Variants in PCDH15 observed in about 807,000 individuals in gnomAD.
PCDH15 encodes protocadherin related 15.
In PCDH15, 129 loss-of-function variants were observed where a neutral mutation model predicts 178.5. The ratio of observed to expected loss-of-function variants is 0.72; its 90% CI spans 0.63 to 0.84. The LOEUF is 0.84. Ranked by LOEUF, PCDH15 falls within the 40% of genes least tolerant of loss-of-function variation. The pLI is 0.00. For missense variants in PCDH15, 2,230 were observed against 2,099.9 expected (o/e 1.06, Z -1.21); for synonymous variants, 800 against 732.0 (o/e 1.09, Z -1.50).
At chr10:54,889,443 G>A (rs1315067674) in intron 3 of PCDH15, among the ~76,000 whole-genome samples, 2 of 148,730 alleles carry the variant, frequency 1.3e-5, no homozygotes, top group South Asian at 2.1e-4. Context: ...CTTCATATAA[G>A]AAAATAAAGG....
At chr10:54,677,306 G>A (rs1170214640) in intron 1 of PCDH15, among the ~76,000 whole-genome samples, 1 of 152,138 alleles carries the variant, frequency 6.6e-6, no homozygotes, top group African/African-American at 2.4e-5. Flanking sequence ...TTTGAGCCCA[G>A]GAGTTCAAGG....
chr10:53,948,339 G>A lies in PCDH15; in HGVS notation c.3123-7364C>T, dbSNP rs181563774. 5.2e-4 allele frequency among the ~76,000 whole-genome samples: 79 copies of A among 152,190 alleles called. 1 individual carries two copies. The highest frequency in any genetic ancestry group is 1.9e-3 in the African/African-American group (77 of 41,530). ...TTTACAATTTTTTTTTAGTGAGACCGAGTGTACAGGTAATCAGAATTCTGT... is the reference window on the plus strand; with the variant it reads ...TTTACAATTTTTTTTTAGTGAGACCAAGTGTACAGGTAATCAGAATTCTGT... On this transcript the variant is annotated intron_variant, in intron 23 of 37. Coordinates refer to ENST00000644397, the MANE Select transcript of PCDH15 (RefSeq NM_001384140.1).
At chr10:54,465,691 T>C (rs193156701) in intron 3 of PCDH15, among the ~76,000 whole-genome samples, 1 of 152,202 alleles carries the variant, frequency 6.6e-6, no homozygotes, top group African/African-American at 2.4e-5. Context: ...TGAATAGTAC[T>C]GTAATAAACA....
intron 3 of PCDH15, among the ~76,000 whole-genome samples, chr10:54,482,668 A>G (rs189434877): frequency 1.3e-4 from 20 of 151,798 alleles, no homozygotes; most frequent in Non-Finnish European, 2.7e-4. Flanking sequence ...AAAGGGAAAG[A>G]TTAACTGAAA....
At chr10:54,899,224 G>A (rs1196438776) in intron 2 of PCDH15, among the ~76,000 whole-genome samples, 2 of 152,074 alleles carry the variant, frequency 1.3e-5, no homozygotes, top group Admixed American at 1.3e-4. Flanking sequence ...TGAAGATGAT[G>A]CAAATAACTG....
intron 2 of PCDH15, among the ~76,000 whole-genome samples, chr10:55,442,453 GATTATATATATATATATTATATATAT>G (rs1347925826): frequency 2.5e-5 from 2 of 78,992 alleles, no homozygotes; most frequent in Admixed American, 1.5e-4. Context: ...TTCTTAATTT[GATTATATATATATATATTATATATAT>G]ATTATATATA....
At chr10:55,429,488 T>G (rs1016639299) in intron 2 of PCDH15, among the ~76,000 whole-genome samples, 5 of 152,156 alleles carry the variant, frequency 3.3e-5, no homozygotes, top group Non-Finnish European at 5.9e-5. Flanking sequence ...ATGTGTCTTT[T>G]TTGTTCTGCT....
intron 3 of PCDH15, chr10:54,486,153 C>T (rs1248469610): frequency 6.6e-6 from 1 of 151,974 alleles, no homozygotes; most frequent in Admixed American, 6.6e-5. Flanking sequence ...CAGTGAGTCC[C>T]ACCAGCGTCA....
intron 3 of PCDH15, among the ~76,000 whole-genome samples, chr10:54,481,374 C>A (rs1396543147): frequency 6.6e-6 from 1 of 151,522 alleles, no homozygotes; most frequent in East Asian, 1.9e-4. Context: ...CTGGGTTAAC[C>A]ATATTTCTTA....
Position 54,140,320 on chromosome 10 carries a change from G to A in PCDH15, c.1785-7313C>T, listed in dbSNP as rs72797057. Among the ~76,000 whole-genome samples, 3 of 151,900 alleles carry A rather than the reference G, an allele frequency of 2.0e-5. No homozygotes were observed. In the East Asian group the frequency reaches 5.8e-4, roughly 29 times the overall value. ...TCTTAGTTACAGAAAATGTATAGTG[G>A]TACTGCTGGACTTAAAGACAGTAAA... On this transcript the variant is annotated intron_variant, in intron 14 of 37. Coordinates refer to ENST00000644397, the MANE Select transcript of PCDH15 (RefSeq NM_001384140.1).
intron 26 of PCDH15, among the ~76,000 whole-genome samples, chr10:53,893,104 G>A (rs1276494878): frequency 2.0e-5 from 3 of 151,574 alleles, no homozygotes; most frequent in African/African-American, 7.3e-5. Context: ...TTTGAGTGTC[G>A]GTGGAAAAAA....
intron 2 of PCDH15, among the ~76,000 whole-genome samples, chr10:54,967,740 A>G (rs1333811285): frequency 6.6e-6 from 1 of 152,190 alleles, no homozygotes; most frequent in Non-Finnish European, 1.5e-5. Context: ...GAATGCTTTG[A>G]ATAACAGAAA....
chr10:53,995,556 G>T (rs2091790805), intron 21 of PCDH15, 93 bp downstream of exon 21: 3 of 1,609,226 alleles, frequency 1.9e-6, no homozygotes, highest in Admixed American at 1.7e-5. Flanking sequence ...AATTTACAGA[G>T]ACTACTTTTG....
chr10:54,331,289 C>G (rs191260930), intron 6 of PCDH15, among the ~76,000 whole-genome samples: 92 of 151,794 alleles, frequency 6.1e-4, no homozygotes, highest in African/African-American at 2.1e-3. Flanking sequence ...CTCTATCTCT[C>G]TTTCTCTCGG....
chr10:55,101,888 T>C (rs1432070468), intron 2 of PCDH15, among the ~76,000 whole-genome samples: 1 of 151,794 alleles, frequency 6.6e-6, no homozygotes, highest in Non-Finnish European at 1.5e-5. Context: ...TATATAATTA[T>C]ATTGTTAGAT....
intron 3 of PCDH15, among the ~76,000 whole-genome samples, chr10:54,484,646 G>A (rs923080604): frequency 4.0e-5 from 6 of 151,578 alleles, no homozygotes; most frequent in Admixed American, 1.3e-4. Context: ...ATCGATCCCC[G>A]CTCATCAGAG....
intron 1 of PCDH15, among the ~76,000 whole-genome samples, chr10:55,231,803 T>C (rs1403135312): frequency 6.6e-6 from 1 of 152,102 alleles, no homozygotes; most frequent in South Asian, 2.1e-4. Flanking sequence ...TTGAAATAAA[T>C]AAATCTTAAA....
At chr10:54,663,340 G>A (rs1420204187) in intron 2 of PCDH15, among the ~76,000 whole-genome samples, 3 of 151,248 alleles carry the variant, frequency 2.0e-5, no homozygotes, top group African/African-American at 7.3e-5. Flanking sequence ...AGAAAAGAAA[G>A]ACAGGAAAGA....
At chr10:54,292,765 G>A (rs1372763261) in intron 8 of PCDH15, among the ~76,000 whole-genome samples, 6 of 152,126 alleles carry the variant, frequency 3.9e-5, no homozygotes, top group African/African-American at 1.2e-4. Flanking sequence ...TACAAGGGAT[G>A]TGAGGGACCT....
Sources: gnomAD v4.1 joint callset for allele counts (sites outside exome capture counted in the v4.1 genomes callset) on GRCh38, gnomAD v4.1.1 for gene constraint, MANE v1.5 for transcripts, NCBI Gene and HGNC (gene_info 2026-07-23, HGNC 2026-07-21) for gene names.